Variants in DPY19L2 observed in about 807,000 individuals in gnomAD.
DPY19L2 encodes probable C-mannosyltransferase DPY19L2.
Under a neutral mutation model 97.9 loss-of-function variants are expected in DPY19L2, and 34 were observed. The observed-to-expected ratio is 0.35, with a 90% CI of 0.26 to 0.46. The LOEUF is 0.46. Ranked by LOEUF, DPY19L2 falls within the 20% of genes least tolerant of loss-of-function variation. DPY19L2 has a pLI of 1.00. For synonymous variants in DPY19L2, 230 were observed against 307.9 expected (o/e 0.75, Z 2.65); for missense variants, 623 against 911.4 (o/e 0.68, Z 4.07).
At chr12:63,572,588 G>A (rs1879081876) in intron 19 of DPY19L2, among the ~76,000 whole-genome samples, 1 of 152,142 alleles carries the variant, frequency 6.6e-6, no homozygotes, top group South Asian at 2.1e-4. Flanking sequence ...CATAGGTGGT[G>A]GCCAGGCAGT....
intron 4 of DPY19L2, among the ~76,000 whole-genome samples, chr12:63,652,135 C>T (rs1894334835): frequency 6.6e-6 from 1 of 152,048 alleles, no homozygotes. Flanking sequence ...GACATAAACA[C>T]AAATTTCTCA....
At chr12:63,631,682 G>C (rs77218698) in intron 6 of DPY19L2, among the ~76,000 whole-genome samples, 12 of 152,018 alleles carry the variant, frequency 7.9e-5, no homozygotes, top group Non-Finnish European at 1.8e-4. Flanking sequence ...CCAATCAATA[G>C]AAAAAGAGGG....
At chr12:63,623,653 G>A (rs1243770045) in intron 8 of DPY19L2, 1 of 157,766 alleles carries the variant, frequency 6.3e-6, no homozygotes. Context: ...ACTAAAAAAT[G>A]GTCTAAATTT....
intron 4 of DPY19L2, among the ~76,000 whole-genome samples, chr12:63,657,749 GA>G (rs905845353): frequency 2.0e-5 from 3 of 152,062 alleles, no homozygotes; most frequent in African/African-American, 7.2e-5. Context: ...GCACCATAGG[GA>G]AAACTTTCTC....
intron 21 of DPY19L2, 58 bp from the exon 22 acceptor site, chr12:63,560,720 T>G (rs1347577713): frequency 5.0e-6 from 8 of 1,586,588 alleles, no homozygotes. Flanking sequence ...CTAGAGACAA[T>G]AGATACATAA....
At chr12:63,635,369 A>C (rs12822378) in intron 6 of DPY19L2, among the ~76,000 whole-genome samples, 60,507 of 151,938 alleles carry the variant, frequency 0.4, 12,053 homozygotes, top group South Asian at 0.46. Context: ...TAAAAACCGG[A>C]GTGCCTCTTC....
In DPY19L2 at chr12:63,569,272, TG is replaced by T; in HGVS notation, c.2077del (p.His693MetfsTer2). ...CTCTTCTAAAACATAATAATTCACA[TG>T]TAACTCCAACAATTTATCTCTTACT... ...KEVRDKLLEL[H>X]VNYYVLEEAW... On this transcript the variant is annotated frameshift_variant, in exon 21 of 22. Transcript: ENST00000324472. LOFTEE classifies it low-confidence loss of function (END_TRUNC). 1 of 1,601,738 alleles carries T rather than the reference TG, an allele frequency of 6.2e-7. No individual in the cohort carries two copies.
chr12:63,596,623 T>A (rs981671962), intron 14 of DPY19L2, among the ~76,000 whole-genome samples: 2 of 152,202 alleles, frequency 1.3e-5, no homozygotes, highest in Admixed American at 1.3e-4. Flanking sequence ...GGATAACTAG[T>A]GGTCAATAAT....
intron 15 of DPY19L2, among the ~76,000 whole-genome samples, chr12:63,594,518 T>TTG (rs796987462): frequency 0.018 from 1,825 of 100,522 alleles, 38 homozygotes; most frequent in African/African-American, 0.068. Flanking sequence ...CTACAGGGAT[T>TTG]TGTGTGTGTG....
At chr12:63,627,514 C>A (rs757829219) in intron 6 of DPY19L2, among the ~76,000 whole-genome samples, 9 of 152,066 alleles carry the variant, frequency 5.9e-5, no homozygotes, top group Non-Finnish European at 1.2e-4. Context: ...CCACACCTGG[C>A]GATTTTTGTA....
chr12:63,608,885 G>A (rs1886494238), intron 11 of DPY19L2, among the ~76,000 whole-genome samples: 1 of 152,010 alleles, frequency 6.6e-6, no homozygotes, highest in African/African-American at 2.4e-5. Flanking sequence ...GTGTCAAAAA[G>A]TTGCCTCATT....
intron 9 of DPY19L2, among the ~76,000 whole-genome samples, chr12:63,619,070 T>C (rs1187190490): frequency 6.6e-6 from 1 of 152,124 alleles, no homozygotes; most frequent in Non-Finnish European, 1.5e-5. Flanking sequence ...TAATCAGATA[T>C]ATCTTTAAAC....
At chr12:63,614,514 G>A (rs908336320) in intron 11 of DPY19L2, among the ~76,000 whole-genome samples, 15 of 152,146 alleles carry the variant, frequency 9.9e-5, no homozygotes, top group African/African-American at 2.2e-4. Flanking sequence ...TGGGTGAAGA[G>A]AATGAAAGAA....
chr12:63,661,631 T>C (rs1592769291), intron 3 of DPY19L2, 150 bp from the exon 4 acceptor site: 2 of 610,632 alleles, frequency 3.3e-6, no homozygotes, highest in East Asian at 6.8e-5. Context: ...ATTCTTGGTT[T>C]TTAAAGAACA....
At chr12:63,627,101 G>A (rs2137873240) in intron 6 of DPY19L2, among the ~76,000 whole-genome samples, 1 of 152,194 alleles carries the variant, frequency 6.6e-6, no homozygotes, top group East Asian at 1.9e-4. Context: ...TTAAGAAACA[G>A]ACTAGCACTT....
At chr12:63,599,205 AT>A (rs1412036222) in intron 13 of DPY19L2, among the ~76,000 whole-genome samples, 1 of 151,550 alleles carries the variant, frequency 6.6e-6, no homozygotes, top group African/African-American at 2.4e-5. Flanking sequence ...AAAGATTTAG[AT>A]TTGTAAAGAT....
At chr12:63,621,664 G>A (rs956615907) in intron 8 of DPY19L2, among the ~76,000 whole-genome samples, 2 of 152,114 alleles carry the variant, frequency 1.3e-5, no homozygotes, top group Admixed American at 6.5e-5. Context: ...ATGCAGCACT[G>A]CCCCTGCACA....
chr12:63,595,919 G>A (rs1326934885), intron 15 of DPY19L2, 47 bp downstream of exon 15: 1 of 1,489,902 alleles, frequency 6.7e-7, no homozygotes, highest in Admixed American at 2.1e-5. Flanking sequence ...CATTCTTATA[G>A]TCCTTATATT....
intron 4 of DPY19L2, among the ~76,000 whole-genome samples, chr12:63,650,064 A>AC (rs1893986733): frequency 6.6e-6 from 1 of 152,084 alleles, no homozygotes; most frequent in African/African-American, 2.4e-5. Flanking sequence ...AACTAAAAAA[A>AC]ACCCCACATG....
Sources: gnomAD v4.1 joint callset for allele counts (sites outside exome capture counted in the v4.1 genomes callset) on GRCh38, gnomAD v4.1.1 for gene constraint, MANE v1.5 for transcripts, NCBI Gene and HGNC (gene_info 2026-07-23, HGNC 2026-07-21) for gene names.